Variants in PIK3C2G observed in about 807,000 individuals in gnomAD.
The protein encoded by PIK3C2G is phosphatidylinositol-4-phosphate 3-kinase catalytic subunit type 2 gamma.
PIK3C2G carries 168 observed loss-of-function variants against 181.1 expected under a neutral mutation model. The ratio of observed to expected loss-of-function variants is 0.93; its 90% confidence interval spans 0.82 to 1.05. The LOEUF is 1.05. Ranked by LOEUF, PIK3C2G falls within the 50% of genes least tolerant of loss-of-function variation. The probability of loss-of-function intolerance (pLI) is 0.00; values close to 1 mark genes in which losing one functional copy is unlikely to be tolerated. For synonymous variants in PIK3C2G, 573 were observed against 592.2 expected, an observed-to-expected ratio of 0.97 and a Z score of 0.47; for missense variants, 1,869 against 1,732.8, an observed-to-expected ratio of 1.08 and a Z score of -1.40.
the PIK3C2G span, among the ~76,000 whole-genome samples, chr12:18,665,414 A>T: frequency 6.6e-6 from 1 of 152,202 alleles, no homozygotes; most frequent in Non-Finnish European, 1.5e-5. Flanking sequence ...ACAAGAAAAA[A>T]AAATTGAGAA....
At chr12:18,503,193 T>A (rs560610285) in intron 22 of PIK3C2G, 88 bp from the exon 23 acceptor site, 1 of 919,474 alleles carries the variant, frequency 1.1e-6, no homozygotes, top group Non-Finnish European at 1.6e-6. Flanking sequence ...AATCCAGTAG[T>A]GCTGGAAGCT....
intron 29 of PIK3C2G, among the ~76,000 whole-genome samples, chr12:18,592,922 G>A (rs1947160846): frequency 1.3e-5 from 2 of 151,754 alleles, no homozygotes. Context: ...CTATAAATTG[G>A]GTGACTTAAA....
At chr12:18,699,588 T>C in the PIK3C2G span, among the ~76,000 whole-genome samples, 1 of 152,254 alleles carries the variant, frequency 6.6e-6, no homozygotes, top group Admixed American at 6.5e-5. Flanking sequence ...CAAAATGTCA[T>C]GGCTTAGGAA....
chr12:18,325,671 GTAC>G lies in PIK3C2G; in HGVS notation c.1272+575_1272+577del, dbSNP rs1432387120. ...TGCAGTGAGCCGAGATCGGGCCACT[GTAC>G]TCCAGCCTGGTGACAGAGCAAGACT... On this transcript the variant is annotated intron_variant, in intron 8 of 32. Transcript: ENST00000538779. Among the ~76,000 whole-genome samples the G allele has an allele frequency of 2.1e-5, 3 of 143,376 alleles. No individual in the cohort carries two copies. In the South Asian group the frequency reaches 6.6e-4, roughly 31 times the overall value. The allele number at this position is 143,376 out of a possible 152,430, so 94.1% of individuals were successfully genotyped here.
intron 18 of PIK3C2G, among the ~76,000 whole-genome samples, chr12:18,460,576 A>AAAGT (rs1323583034): frequency 4.0e-5 from 6 of 149,800 alleles, no homozygotes; most frequent in Non-Finnish European, 7.4e-5. Flanking sequence ...TCCGTCTCAA[A>AAAGT]AAATAAATAA....
intron 12 of PIK3C2G, 34 bp downstream of exon 12, chr12:18,362,920 A>G (rs1425816294): frequency 7.1e-7 from 1 of 1,414,080 alleles, no homozygotes; most frequent in Middle Eastern, 2.5e-4. Flanking sequence ...TGGATCATTT[A>G]TGTAATAAAT....
At chr12:18,273,642 C>T (rs1948841192) in intron 1 of PIK3C2G, among the ~76,000 whole-genome samples, 1 of 152,120 alleles carries the variant, frequency 6.6e-6, no homozygotes, top group African/African-American at 2.4e-5. Flanking sequence ...ACACCTTATA[C>T]AAAAATTAAT....
intron 5 of PIK3C2G, among the ~76,000 whole-genome samples, chr12:18,307,271 A>T (rs1950458383): frequency 6.6e-6 from 1 of 151,720 alleles, no homozygotes; most frequent in African/African-American, 2.4e-5. Flanking sequence ...AAGTATACTC[A>T]TAATAGTTCC....
rs565007234 is a variant in PIK3C2G, at chr12:18,369,107, A to T, written c.1749-2073A>T. On this transcript the variant is annotated intron_variant, in intron 12 of 32. Coordinates refer to ENST00000538779, the MANE Select transcript of PIK3C2G (RefSeq NM_001288772.2). ...TAACATCAAAGTTCAACTGGGAATG[A>T]CAAGGCCAGTAGATTCTGTGTATTT... Among the ~76,000 whole-genome samples the T allele has an allele frequency of 2.0e-5, 3 of 152,326 alleles. No homozygotes were observed. In the South Asian group the frequency reaches 6.2e-4, roughly 32 times the overall value.
At chr12:18,613,886 G>A (rs1250507579) in intron 31 of PIK3C2G, among the ~76,000 whole-genome samples, 1 of 152,064 alleles carries the variant, frequency 6.6e-6, no homozygotes, top group African/African-American at 2.4e-5. Flanking sequence ...GTAGAACAAA[G>A]ACAACACTTG....
chr12:18,546,654 C>G (rs1412475628), intron 26 of PIK3C2G, among the ~76,000 whole-genome samples: 8 of 151,996 alleles, frequency 5.3e-5, no homozygotes, highest in African/African-American at 1.2e-4. Context: ...GCTAACCAGC[C>G]TCTTCATCTA....
intron 11 of PIK3C2G, among the ~76,000 whole-genome samples, chr12:18,349,373 A>G (rs1352963503): frequency 1.3e-5 from 2 of 152,162 alleles, no homozygotes; most frequent in Non-Finnish European, 2.9e-5. Context: ...GACCATAATT[A>G]ATGTCAGCAA....
chr12:18,601,898 G>A (rs1233448566), intron 30 of PIK3C2G, among the ~76,000 whole-genome samples: 1 of 152,018 alleles, frequency 6.6e-6, no homozygotes, highest in African/African-American at 2.4e-5. Context: ...GAGCTCGCTG[G>A]GTCCCCAAGC....
chr12:18,417,970 A>G (rs1364287665), intron 16 of PIK3C2G, among the ~76,000 whole-genome samples: 2 of 152,206 alleles, frequency 1.3e-5, no homozygotes, highest in Admixed American at 6.5e-5. Flanking sequence ...CAACCAATGG[A>G]AACTATCTCA....
chr12:18,432,181 C>A (rs996565482), intron 18 of PIK3C2G, among the ~76,000 whole-genome samples: 1 of 152,082 alleles, frequency 6.6e-6, no homozygotes, highest in Non-Finnish European at 1.5e-5. Context: ...TAATAAATAT[C>A]TATGAAAATA....
chr12:18,501,675 G>T lies in PIK3C2G; in HGVS notation c.3017-1606G>T, dbSNP rs1394106230. On this transcript the variant is annotated intron_variant, in intron 22 of 32. Transcript: ENST00000538779. ...TTAAAATGTATAAAATGTAATTTAT[G>T]ATTTCAATTAATGAGCAGAATTTAG... is the stretch of plus-strand genomic sequence containing the variant. Among the ~76,000 whole-genome samples, 3 of 152,190 alleles carry T rather than the reference G, an allele frequency of 2.0e-5. No homozygotes were observed. The East Asian group carries it at 5.8e-4, about 29-fold the overall frequency.
chr12:18,514,108 C>T (rs1942381766), intron 24 of PIK3C2G, among the ~76,000 whole-genome samples: 1 of 151,776 alleles, frequency 6.6e-6, no homozygotes, highest in African/African-American at 2.4e-5. Context: ...TGTTTATGAG[C>T]ATGTTGTTTA....
rs142657953 is a variant in PIK3C2G at position 18,609,741 on chromosome 12, T to C, written c.4182+112T>C. 688 of 638,182 alleles carry C rather than the reference T, an allele frequency of 1.1e-3. 3 individuals are homozygous for C. In the African/African-American group the frequency reaches 0.012, roughly 11 times the overall value. The allele number at this position is 638,182 out of a possible 1,614,324, so 39.5% of individuals were successfully genotyped here. On this transcript the variant is annotated intron_variant, in intron 31 of 32. Coordinates refer to ENST00000538779, the MANE Select transcript of PIK3C2G (RefSeq NM_001288772.2). ...TAGAAGAATGGGTATCTCCGCCAAG[T>C]TTAAGTAAGAAACAATGAGCCAATT...
At chr12:18,262,951 A>C (rs1263959729) in intron 1 of PIK3C2G, among the ~76,000 whole-genome samples, 2 of 152,192 alleles carry the variant, frequency 1.3e-5, no homozygotes, top group South Asian at 2.1e-4. Flanking sequence ...AATCATAGCA[A>C]AATATGATTA....
Sources: gnomAD v4.1 joint callset for allele counts (sites outside exome capture counted in the v4.1 genomes callset) on GRCh38, gnomAD v4.1.1 for gene constraint, MANE v1.5 for transcripts, NCBI Gene and HGNC (gene_info 2026-07-23, HGNC 2026-07-21) for gene names.